Variants in NCOA2 observed in about 807,000 individuals in gnomAD.
NCOA2 encodes the protein class E basic helix-loop-helix protein 75.
NCOA2 carries 21 observed loss-of-function variants against 145.1 expected under a neutral mutation model. The ratio of observed to expected loss-of-function variants is 0.14; its 90% CI spans 0.10 to 0.21. NCOA2 has a LOEUF of 0.21. Among genes scored for constraint, NCOA2 ranks in the 10% least tolerant of loss-of-function variants. The pLI is 1.00. For missense variants in NCOA2, 1,472 were observed against 1,837.6 expected (o/e 0.80, Z 3.64); for synonymous variants, 619 against 637.5 (o/e 0.97, Z 0.44).
Position 70,272,040 on chromosome 8 carries a change from C to A in NCOA2, c.-20+24704G>T, listed in dbSNP as rs141175313. On this transcript the variant is annotated intron_variant, in intron 2 of 22. Transcript: ENST00000452400. ...AAAGTAAAAGAAATATTTTAAAGTA[C>A]GTATTTATTGTTGACTGATTTCCAA... Among the ~76,000 whole-genome samples, 3 of 152,158 alleles carry A rather than the reference C, an allele frequency of 2.0e-5. No individual in the cohort carries two copies. The South Asian group carries it at 6.2e-4, about 31-fold the overall frequency.
At chr8:70,273,586 T>G in intron 2 of NCOA2, 1 of 761,526 alleles carries the variant, frequency 1.3e-6, no homozygotes, top group Non-Finnish European at 2.3e-6. Flanking sequence ...TTAACAACCC[T>G]AAAGCCCAGA....
chr8:70,166,902 G>T, intron 6 of NCOA2, 148 bp from the exon 7 acceptor site: 2 of 756,470 alleles, frequency 2.6e-6, no homozygotes, highest in Non-Finnish European at 4.0e-6. Context: ...ATAATCTAGA[G>T]GAGGAAAAAT....
At position 70,112,261 on chromosome 8, in the gene NCOA2, G is replaced by A. The variant is rs1003541649; in HGVS notation, c.*1371C>T. 2.5e-5 allele frequency: 5 copies of A among 198,802 alleles called. No homozygotes were observed. Among genetic ancestry groups the A allele is most frequent in the Non-Finnish European group, 4.2e-5 (4 of 96,112 alleles). The allele number at this position is 198,802 out of a possible 1,614,324, so 12.3% of individuals were successfully genotyped here. A position where few individuals can be genotyped will look rare whatever the true frequency, so the allele number is the denominator to read the frequency against. ...GATATCCTTTACAAAACACCTTTAGGAGACATTGCTATGAAGATATCTAAT... is the reference window on the plus strand; with the variant it reads ...GATATCCTTTACAAAACACCTTTAGAAGACATTGCTATGAAGATATCTAAT... On this transcript the variant is annotated 3_prime_UTR_variant, in exon 23 of 23. Coordinates refer to ENST00000452400, the MANE Select transcript of NCOA2 (RefSeq NM_006540.4).
chr8:70,454,038 T>C, the NCOA2 span, among the ~76,000 whole-genome samples: 4 of 152,236 alleles, frequency 2.6e-5, no homozygotes, highest in East Asian at 7.7e-4. Flanking sequence ...GATTTTCTAC[T>C]GAGAATTGAA....
chr8:70,290,904 T>A (rs1001913810), intron 2 of NCOA2, among the ~76,000 whole-genome samples: 7 of 152,220 alleles, frequency 4.6e-5, no homozygotes, highest in African/African-American at 1.7e-4. Context: ...GTTAGCTGAC[T>A]CAAATTCAGC....
At chr8:70,451,233 A>ATAT in the NCOA2 span, among the ~76,000 whole-genome samples, 1,648 of 85,256 alleles carry the variant, frequency 0.019, 15 homozygotes, top group East Asian at 0.031. Flanking sequence ...AAAAAAAAAA[A>ATAT]AAAAATATAT....
At chr8:70,293,557 C>T (rs1563732061) in intron 2 of NCOA2, among the ~76,000 whole-genome samples, 1 of 152,328 alleles carries the variant, frequency 6.6e-6, no homozygotes. Context: ...CTGTACTTAG[C>T]ATGTGTGAAC....
chr8:70,128,809 C>G lies in NCOA2; in HGVS notation c.3496G>C (p.Ala1166Pro), dbSNP rs372618139. The G allele has an allele frequency of 1.2e-6, 2 of 1,614,052 alleles. No individual in the cohort carries two copies. The highest frequency in any genetic ancestry group is 1.7e-6 in the Non-Finnish European group (2 of 1,179,902). ...FHTMGQRPSY[A>P]TLRMQPRPGL... ...GGTCTGGGCTGCATACGGAGTGTGG[C>G]ATAACTAGGCCGCTGTCCCATGGTG... Residue 1166 changes from alanine to proline, a missense_variant, in exon 17 of 23, where the codon GCC (alanine) becomes CCC (proline). This residue lies in a region of NCOA2 where 953 missense variants were observed against 1,062.1 expected (regional missense o/e 0.90). Coordinates refer to ENST00000452400, the MANE Select transcript of NCOA2 (RefSeq NM_006540.4).
At chr8:70,183,959 T>A (rs1815765018) in intron 4 of NCOA2, among the ~76,000 whole-genome samples, 1 of 152,170 alleles carries the variant, frequency 6.6e-6, no homozygotes, top group Non-Finnish European at 1.5e-5. Flanking sequence ...TAAAATTAAA[T>A]TCCATTTAGC....
intron 1 of NCOA2, among the ~76,000 whole-genome samples, chr8:70,366,308 TAA>T (rs1318420817): frequency 2.6e-5 from 4 of 152,088 alleles, no homozygotes; most frequent in Non-Finnish European, 2.9e-5. Flanking sequence ...TCTCAACTGT[TAA>T]AAGAGGGGGG....
chr8:70,242,602 A>C (rs1822238808), intron 2 of NCOA2, among the ~76,000 whole-genome samples: 1 of 152,120 alleles, frequency 6.6e-6, no homozygotes, highest in South Asian at 2.1e-4. Flanking sequence ...ATCCTATAAG[A>C]GGTACCGTGG....
chr8:70,150,088 T>C (rs1431753795), intron 11 of NCOA2, among the ~76,000 whole-genome samples: 1 of 152,212 alleles, frequency 6.6e-6, no homozygotes, highest in Non-Finnish European at 1.5e-5. Flanking sequence ...TGAAGTGAGA[T>C]TTTATTTGGT....
the NCOA2 span, among the ~76,000 whole-genome samples, chr8:70,420,968 A>T: frequency 6.6e-6 from 1 of 152,192 alleles, no homozygotes; most frequent in African/African-American, 2.4e-5. Context: ...GGTATCTGTT[A>T]TCTTTAAAAA....
At chr8:70,441,497 A>G in the NCOA2 span, among the ~76,000 whole-genome samples, 42 of 151,056 alleles carry the variant, frequency 2.8e-4, 1 homozygote, top group South Asian at 8.1e-3. Context: ...AAGGGAAAGA[A>G]AGAGAAAGAA....
At chr8:70,411,242 C>G in the NCOA2 span, among the ~76,000 whole-genome samples, 1 of 152,002 alleles carries the variant, frequency 6.6e-6, no homozygotes, top group Admixed American at 6.6e-5. Context: ...CCCAGTATTA[C>G]CATTTGTAAC....
At chr8:70,186,079 ACTCTCTCT>A (rs759989274) in intron 4 of NCOA2, among the ~76,000 whole-genome samples, 1 of 149,290 alleles carries the variant, frequency 6.7e-6, no homozygotes, top group Non-Finnish European at 1.5e-5. Context: ...ACACTCTCTC[ACTCTCTCT>A]CTCTCTTTCT....
chr8:70,268,265 T>A (rs1481115592), intron 2 of NCOA2, among the ~76,000 whole-genome samples: 1 of 152,190 alleles, frequency 6.6e-6, no homozygotes, highest in Non-Finnish European at 1.5e-5. Context: ...TATCTCTCTG[T>A]TTCAGCTACT....
chr8:70,289,089 G>A (rs1376809148), intron 2 of NCOA2, among the ~76,000 whole-genome samples: 1 of 152,178 alleles, frequency 6.6e-6, no homozygotes, highest in Non-Finnish European at 1.5e-5. Flanking sequence ...AATAGCGTAA[G>A]TAATCATGAT....
At chr8:70,396,731 A>G (rs923793425) in intron 1 of NCOA2, among the ~76,000 whole-genome samples, 1 of 152,258 alleles carries the variant, frequency 6.6e-6, no homozygotes, top group Non-Finnish European at 1.5e-5. Flanking sequence ...CCTTAAGGCA[A>G]CAGTCTGGAA....
Sources: allele counts gnomAD v4.1 joint callset (sites outside exome capture counted in the v4.1 genomes callset), GRCh38; gene constraint gnomAD v4.1.1; regional missense constraint gnomAD v4.1.1; transcripts MANE v1.5; gene names NCBI Gene and HGNC (gene_info 2026-07-23, HGNC 2026-07-21).